AP5Z1: variants seen among roughly 807,000 people sequenced by gnomAD.
AP5Z1 encodes the protein adaptor related protein complex 5 subunit zeta 1, also known as AP-5 complex subunit zeta-1.
AP5Z1 carries 106 observed loss-of-function variants against 83.0 expected under a neutral mutation model. The ratio of observed to expected loss-of-function variants is 1.28; its 90% CI spans 1.09 to 1.50. The LOEUF (loss-of-function observed/expected upper bound fraction) is 1.50, where lower values mean the gene tolerates loss of function less well. Among genes scored for constraint, AP5Z1 ranks in the 40% most tolerant of loss-of-function variants. AP5Z1 has a pLI of 0.00. For synonymous variants in AP5Z1, 751 were observed against 514.1 expected, an observed-to-expected ratio of 1.46 and a Z score of -6.23; for missense variants, 1,565 against 1,094.2, an observed-to-expected ratio of 1.43 and a Z score of -6.07.
At position 4,792,370 on chromosome 7, in the gene AP5Z1, T is replaced by G. The variant is rs1396757410; in HGVS notation, c.*985T>G. ...TTGCTCTGGCCCCGCCCACCTCCCCTCCGGCCTCGGCCCCGCCCCCAATCC... is the reference window on the plus strand; with the variant it reads ...TTGCTCTGGCCCCGCCCACCTCCCCGCCGGCCTCGGCCCCGCCCCCAATCC... On this transcript the variant is annotated 3_prime_UTR_variant, in exon 17 of 17. Coordinates refer to ENST00000649063, the MANE Select transcript of AP5Z1 (RefSeq NM_014855.3). The G allele has an allele frequency of 8.3e-5, 2 of 24,056 alleles. No homozygotes were observed. The highest frequency in any genetic ancestry group is 3.6e-4 in the African/African-American group (2 of 5,496). 1.5% of individuals were successfully genotyped at this position (24,056 alleles called of 1,614,324 possible).
chr7:4,779,359 A>G (rs946372326), intron 1 of AP5Z1, among the ~76,000 whole-genome samples: 37 of 144,936 alleles, frequency 2.6e-4, no homozygotes, highest in African/African-American at 5.3e-5. Flanking sequence ...CATGTTATAT[A>G]TCATAACGTG....
At chr7:4,785,329 C>T in intron 7 of AP5Z1, 86 bp from the exon 8 acceptor site, 1 of 1,532,804 alleles carries the variant, frequency 6.5e-7, no homozygotes, top group Non-Finnish European at 8.8e-7. Flanking sequence ...CCGGTCCTGC[C>T]TGGAGCTTCC....
At chr7:4,778,907 A>G (rs1339743947) in intron 1 of AP5Z1, among the ~76,000 whole-genome samples, 1 of 146,228 alleles carries the variant, frequency 6.8e-6, no homozygotes, top group East Asian at 2.0e-4. Flanking sequence ...CACTGGGCTT[A>G]GTGTAGTCCC....
At chr7:4,790,182 C>G (rs770917278) in intron 14 of AP5Z1, 2 of 1,536,460 alleles carry the variant, frequency 1.3e-6, no homozygotes, top group Non-Finnish European at 1.7e-6. Flanking sequence ...CCCTCTTCCC[C>G]GTCTTGTCCC....
chr7:4,784,516 G>C (rs1245625024), intron 6 of AP5Z1, 145 bp downstream of exon 6: 3 of 1,048,672 alleles, frequency 2.9e-6, no homozygotes, highest in Non-Finnish European at 4.0e-6. Flanking sequence ...GCAGCCTGCT[G>C]ACCTGGAGCT....
At chr7:4,786,079 G>C (rs1457768995) in intron 9 of AP5Z1, among the ~76,000 whole-genome samples, 171 bp from the exon 10 acceptor site, 1 of 152,216 alleles carries the variant, frequency 6.6e-6, no homozygotes, top group Non-Finnish European at 1.5e-5. Context: ...AGCTGTCCGT[G>C]TCCCTGGGCG....
chr7:4,788,649 T>G, intron 12 of AP5Z1, 191 bp from the exon 13 acceptor site: 1 of 546,680 alleles, frequency 1.8e-6, no homozygotes, highest in Admixed American at 3.4e-5. Context: ...TTTGTCCCGA[T>G]GGCTTTACTG....
chr7:4,784,881 C>G, intron 6 of AP5Z1, 27 bp from the exon 7 acceptor site: 1 of 1,599,722 alleles, frequency 6.3e-7, no homozygotes, highest in East Asian at 2.3e-5. Flanking sequence ...CACACGTCAG[C>G]CTGCTGAGAG....
rs1781778716 is a variant in AP5Z1, at chr7:4,791,654, G to GGCTGGGTCGGGTGGAGGCT, written c.*278_*296dup. On this transcript the variant is annotated 3_prime_UTR_variant, in exon 17 of 17. Transcript: ENST00000649063. ...TCTGATTGGAGGCTTGAGGCCCTGT[G>GGCTGGGTCGGGTGGAGGCT]GCTGGGTCGGGTGGAGGCTGCTGGG... 3 of 527,444 alleles carry GGCTGGGTCGGGTGGAGGCT rather than the reference G, an allele frequency of 5.7e-6. No individual in the cohort carries two copies. The highest frequency in any genetic ancestry group is 9.9e-6 in the Non-Finnish European group (3 of 302,132). The allele number at this position is 527,444 out of a possible 1,614,324, so 32.7% of individuals were successfully genotyped here. A position where few individuals can be genotyped will look rare whatever the true frequency, so the allele number is the denominator to read the frequency against.
In AP5Z1 at chr7:4,791,340, G is replaced by C. The variant is rs77393809; in HGVS notation, c.2379G>C (p.Thr793=). 3 of 1,609,380 alleles carry C rather than the reference G, an allele frequency of 1.9e-6. No homozygotes were observed. The highest frequency in any genetic ancestry group is 2.5e-6 in the Non-Finnish European group (3 of 1,178,510). ...CGGCCCTGCCCCTGGCCCTGCGCAC[G>C]GTCAGCCGGCTGGTGGAGAGGGAGG... The part of the protein sequence containing the change: ...ANTALPLALR[T]VSRLVEREAG... Residue 793 remains threonine, a synonymous_variant, in exon 17 of 17, where the codon ACG becomes ACC. Transcript: ENST00000649063.
intron 11 of AP5Z1, 46 bp downstream of exon 11, chr7:4,787,822 G>T: frequency 6.7e-7 from 1 of 1,496,520 alleles, no homozygotes; most frequent in Non-Finnish European, 8.9e-7. Flanking sequence ...CAGCCAGCTG[G>T]TTCCACACAC....
rs768481273 is a variant in AP5Z1 at position 4,786,415 on chromosome 7, C to G, written c.1298C>G (p.Pro433Arg). Reference protein sequence around the residue: ...GHLSTLRLSFPNLFKFLAWNS... With the variant: ...GHLSTLRLSFRNLFKFLAWNS... The stretch of plus-strand genomic sequence containing the variant: ...CTCAGCACCCTCAGATTGAGCTTCC[C>G]CAACCTCTTTAAGGTATATTTGGGC... Residue 433 changes from proline (P) to arginine (R), a missense_variant, in exon 10 of 17, where the codon CCC becomes CGC. Transcript: ENST00000649063. 1.2e-6 allele frequency: 2 copies of G among 1,613,736 alleles called. No homozygotes were observed. The highest frequency in any genetic ancestry group is 1.3e-5 in the African/African-American group (1 of 74,926).
Position 4,791,248 on chromosome 7 carries a change from G to T in AP5Z1, c.2287G>T (p.Val763Leu). The change falls in exon 17 of 17, where the codon GTG (valine) becomes TTG (leucine). Residue 763 changes from valine to leucine, a missense_variant. Transcript: ENST00000649063. ...GCTGACCCTGCTGAAGATGCCTAGC[G>T]TGGCCCAGTTTGTGCTCACACCCAG... Reference protein sequence around the residue: ...ELLTLLKMPSVAQFVLTPSTE... With the variant: ...ELLTLLKMPSLAQFVLTPSTE... The T allele has an allele frequency of 6.2e-7, 1 of 1,612,770 alleles. No homozygotes were observed. The highest frequency in any genetic ancestry group is 8.5e-7 in the Non-Finnish European group (1 of 1,179,862).
At position 4,784,187 on chromosome 7, in the gene AP5Z1, CCTGTCCTTCCCACAGCCGGGCCCCG is replaced by C. The variant is rs954372252; in HGVS notation, c.622-15_631del. On this transcript the variant is annotated splice_acceptor_variant and splice_polypyrimidine_tract_variant and coding_sequence_variant and intron_variant, in exon 6 of 17. Coordinates refer to ENST00000649063, the MANE Select transcript of AP5Z1 (RefSeq NM_014855.3). LOFTEE classifies it high-confidence loss of function. ...CCTCGGCCCCCTCCGCCCACTCCTGCCTGTCCTTCCCACAGCCGGGCCCCGTCACCGAGGTGGACGGGGCGGTAGC... is the reference window on the plus strand; with the variant it reads ...CCTCGGCCCCCTCCGCCCACTCCTGCTCACCGAGGTGGACGGGGCGGTAGC... 4.4e-6 allele frequency: 7 copies of C among 1,578,552 alleles called. No individual in the cohort carries two copies. The African/African-American group carries it at 9.5e-5, about 21-fold the overall frequency.
At chr7:4,780,353 C>T (rs1295294951) in intron 1 of AP5Z1, among the ~76,000 whole-genome samples, 2 of 152,050 alleles carry the variant, frequency 1.3e-5, no homozygotes, top group African/African-American at 2.4e-5. Flanking sequence ...GGCGTGGTGG[C>T]TCACGCTTGT....
intron 14 of AP5Z1, 197 bp from the exon 15 acceptor site, chr7:4,790,262 A>C: frequency 6.5e-7 from 1 of 1,543,932 alleles, no homozygotes; most frequent in Non-Finnish European, 8.7e-7. Flanking sequence ...CCTGGGCCTG[A>C]GGCCAGCGCT....
At chr7:4,779,342 CATAT>C (rs200109123) in intron 1 of AP5Z1, among the ~76,000 whole-genome samples, 5 of 141,276 alleles carry the variant, frequency 3.5e-5, no homozygotes, top group African/African-American at 1.4e-4. Context: ...TGATATATAA[CATAT>C]AACATGTTAT....
rs370552243 is a variant in AP5Z1 at position 4,784,354 on chromosome 7, C to T, written c.773C>T (p.Pro258Leu). Residue 258 changes from proline (P) to leucine (L), a missense_variant, in exon 6 of 17, where the codon CCG (proline) becomes CTG (leucine). Transcript: ENST00000649063. The part of the protein sequence containing the change: ...AWLLHSGPEG[P>L]GTLDTDDRSE... ...CTGCTGCACAGCGGCCCCGAGGGCCCGGGCACCCTGGACACAGGTGTGCGG... is the reference window on the plus strand; with the variant it reads ...CTGCTGCACAGCGGCCCCGAGGGCCTGGGCACCCTGGACACAGGTGTGCGG... The T allele has an allele frequency of 4.5e-5, 67 of 1,473,134 alleles. No individual in the cohort carries two copies. In the African/African-American group the frequency reaches 6.0e-4, roughly 13 times the overall value. 91.3% of individuals were successfully genotyped at this position (1,473,134 alleles called of 1,614,324 possible).
In AP5Z1 at chr7:4,792,590, G is replaced by C. The variant is rs1260615598; in HGVS notation, c.*1205G>C. On this transcript the variant is annotated 3_prime_UTR_variant, in exon 17 of 17. Transcript: ENST00000649063. ...ACCGCCAGGTTCCAGCCCAGGAAGC[G>C]CTCGCCTGCCCCACAGCCTGGGCCT... 2 of 152,220 alleles carry C rather than the reference G, an allele frequency of 1.3e-5. No homozygotes were observed. The highest frequency in any genetic ancestry group is 2.9e-5 in the Non-Finnish European group (2 of 68,076). 9.4% of individuals were successfully genotyped at this position (152,220 alleles called of 1,614,324 possible).
Sources: gnomAD v4.1 joint callset for allele counts (sites outside exome capture counted in the v4.1 genomes callset) on GRCh38, gnomAD v4.1.1 for gene constraint, MANE v1.5 for transcripts, NCBI Gene and HGNC (gene_info 2026-07-23, HGNC 2026-07-21) for gene names.